ADPRHL1: variants seen among roughly 807,000 people sequenced by gnomAD.
ADPRHL1 encodes the protein ADP-ribosylhydrolase like 1.
ADPRHL1 carries 43 observed loss-of-function variants against 44.1 expected under a neutral mutation model. The ratio of observed to expected loss-of-function variants is 0.98; its 90% CI spans 0.76 to 1.26. ADPRHL1 has a LOEUF of 1.26. ADPRHL1 is among the 50% of genes most tolerant of loss of function. The probability of loss-of-function intolerance (pLI) is 0.00; values close to 1 mark genes in which losing one functional copy is unlikely to be tolerated. For missense variants in ADPRHL1, 2,022 were observed against 2,496.9 expected (o/e 0.81, Z 4.05); for synonymous variants, 878 against 1,017.4 (o/e 0.86, Z 2.61).
At position 113,405,908 on chromosome 13, in the gene ADPRHL1, G is replaced by A. The variant is rs553288204; in HGVS notation, c.3374C>T (p.Thr1125Met). 3.2e-5 allele frequency: 39 copies of A among 1,232,076 alleles called. No homozygotes were observed. In the South Asian group the frequency reaches 5.3e-4, roughly 17 times the overall value. The allele number at this position is 1,232,076 out of a possible 1,614,324, so 76.3% of individuals were successfully genotyped here. Residue 1125 changes from threonine (T) to methionine (M), a missense_variant, in exon 8 of 8, where the codon ACG becomes ATG. Physicochemically the swap from Thr to Met is moderately conservative, Grantham distance 81 (BLOSUM62 -1). Around this residue, in one of 8 missense-constraint regions of ADPRHL1, gnomAD observed 1,221 missense variants for 1,517.8 expected, o/e 0.80. Coordinates refer to ENST00000612156, the MANE Select transcript of ADPRHL1 (RefSeq NM_001394807.1). ...AAAGSVASRATPAPAPGSTQS... is the reference protein window; with the variant it reads ...AAAGSVASRAMPAPAPGSTQS... ...GGTGCTGCCTGGCGCTGGTGCAGGC[G>A]TGGCGCGGCTCGCAACGCTCCCTGC...
intron 7 of ADPRHL1, among the ~76,000 whole-genome samples, chr13:113,416,086 T>A (rs2043886101): frequency 6.6e-6 from 1 of 151,298 alleles, no homozygotes; most frequent in South Asian, 2.1e-4. Flanking sequence ...CAGCAGCTTC[T>A]GAGCATCATT....
chr13:113,442,048 T>C (rs1040018734), intron 2 of ADPRHL1, among the ~76,000 whole-genome samples: 2 of 152,272 alleles, frequency 1.3e-5, no homozygotes, highest in African/African-American at 4.8e-5. Flanking sequence ...TCTGAGTGAC[T>C]TCCATTAGCA....
intron 1 of ADPRHL1, chr13:113,449,023 T>G (rs1214730705): frequency 1.0e-6 from 1 of 986,322 alleles, no homozygotes; most frequent in African/African-American, 1.7e-5. Context: ...CCAAGTGACT[T>G]GGTGATAATG....
At chr13:113,433,682 T>C (rs12874568) in intron 3 of ADPRHL1, 60 bp downstream of exon 3, 570,504 of 1,410,980 alleles carry the variant, frequency 0.4, 112,764 homozygotes, top group Middle Eastern at 0.55. Context: ...TGTGAGGTGG[T>C]TGTGGGTCAT....
chr13:113,436,372 AGGGT>A (rs778639217), intron 2 of ADPRHL1, among the ~76,000 whole-genome samples: 20,401 of 88,942 alleles, frequency 0.23, 8,954 homozygotes, highest in Non-Finnish European at 0.26. Context: ...ACCCAGGTGT[AGGGT>A]GAACATAGGT....
At chr13:113,411,114 TC>T (rs1483267766) in intron 7 of ADPRHL1, among the ~76,000 whole-genome samples, 1 of 152,148 alleles carries the variant, frequency 6.6e-6, no homozygotes, top group Non-Finnish European at 1.5e-5. Flanking sequence ...GTGACGTCAA[TC>T]CGCCCCTTCC....
intron 1 of ADPRHL1, among the ~76,000 whole-genome samples, chr13:113,447,454 G>A (rs1346519437): frequency 6.6e-6 from 1 of 151,620 alleles, no homozygotes; most frequent in East Asian, 2.0e-4. Flanking sequence ...GGTGGTGTGT[G>A]TGTATGGTGT....
At position 113,411,678 on chromosome 13, in the gene ADPRHL1, G is replaced by A. The variant is rs531651059; in HGVS notation, c.1062-3458C>T. On this transcript the variant is annotated intron_variant, in intron 7 of 7. Transcript: ENST00000612156. Reference sequence around the variant, plus strand: ...TTATTGGCTGAGGATTAGGGGATTCGGCCAGAGCTACAAAGTCCTCTTTGG... The same window carrying A: ...TTATTGGCTGAGGATTAGGGGATTCAGCCAGAGCTACAAAGTCCTCTTTGG... Among the ~76,000 whole-genome samples the A allele has an allele frequency of 3.9e-5, 6 of 152,320 alleles. No individual in the cohort carries two copies. In the South Asian group the frequency reaches 1.2e-3, roughly 32 times the overall value.
At chr13:113,442,782 A>C (rs528931083) in intron 2 of ADPRHL1, among the ~76,000 whole-genome samples, 1 of 152,140 alleles carries the variant, frequency 6.6e-6, no homozygotes, top group Non-Finnish European at 1.5e-5. Flanking sequence ...CCAAGTATTT[A>C]TGTTGCTTTT....
Position 113,408,229 on chromosome 13 carries a change from A to G in ADPRHL1, c.1062-9T>C. On this transcript the variant is annotated splice_polypyrimidine_tract_variant and intron_variant, in intron 7 of 7. Transcript: ENST00000612156. ...TCTTGCTGCTCTTCCGGCTGCAGAGAAAAAGGAATCATCACCTACTTCATC... is the reference window on the plus strand; with the variant it reads ...TCTTGCTGCTCTTCCGGCTGCAGAGGAAAAGGAATCATCACCTACTTCATC... 8.1e-7 allele frequency: 1 copy of G among 1,231,924 alleles called. No homozygotes were observed. The highest frequency in any genetic ancestry group is 1.0e-6 in the Non-Finnish European group (1 of 987,918). 76.3% of individuals were successfully genotyped at this position (1,231,924 alleles called of 1,614,324 possible).
At position 113,406,551 on chromosome 13, in the gene ADPRHL1, C is replaced by T. The variant is rs2043810140; in HGVS notation, c.2731G>A (p.Gly911Arg). 1 of 1,232,084 alleles carries T rather than the reference C, an allele frequency of 8.1e-7. No individual in the cohort carries two copies. The highest frequency in any genetic ancestry group is 1.5e-5 in the African/African-American group (1 of 64,544). The allele number at this position is 1,232,084 out of a possible 1,614,324, so 76.3% of individuals were successfully genotyped here. A position where few individuals can be genotyped will look rare whatever the true frequency, so the allele number is the denominator to read the frequency against. ...CCCTGCGGCGAAGAGGCGCTGAGTC[C>T]CGCCTGCATCCCTGAAAGCTTGCTC... ...ELSKLSGMQA[G>R]LSASSPQGPR... Residue 911 changes from glycine (G) to arginine (R), a missense_variant, in exon 8 of 8, where the codon GGA (glycine) becomes AGA (arginine). Gly to Arg is a moderately radical substitution (Grantham distance 125). Transcript: ENST00000612156.
chr13:113,433,225 T>C lies in ADPRHL1; in HGVS notation c.505+517A>G, dbSNP rs61406691. 1.8e-3 allele frequency among the ~76,000 whole-genome samples: 276 copies of C among 152,310 alleles called. 4 individuals carry two copies. Among genetic ancestry groups the C allele is most frequent in the African/African-American group, 6.5e-3 (270 of 41,578 alleles). On this transcript the variant is annotated intron_variant, in intron 3 of 7. Transcript: ENST00000612156. ...CGCTCCCGTGGTTCCCGTGGTCTCC[T>C]TGGCTCCCTTGGCCGGCGGGTGGTG...
At chr13:113,414,616 G>A (rs2043877887) in intron 7 of ADPRHL1, among the ~76,000 whole-genome samples, 2 of 152,060 alleles carry the variant, frequency 1.3e-5, no homozygotes, top group Non-Finnish European at 1.5e-5. Context: ...CCTCTTCCAG[G>A]GGCAGGGCCA....
At chr13:113,442,145 T>C (rs1332946125) in intron 2 of ADPRHL1, among the ~76,000 whole-genome samples, 1 of 152,246 alleles carries the variant, frequency 6.6e-6, no homozygotes. Flanking sequence ...TTCTGAAAGA[T>C]ATTTTTTTCA....
chr13:113,438,278 G>A (rs997051510), intron 2 of ADPRHL1, among the ~76,000 whole-genome samples: 13 of 152,158 alleles, frequency 8.5e-5, no homozygotes, highest in African/African-American at 3.1e-4. Context: ...GTTATGTAAT[G>A]GTATCTCATT....
At chr13:113,448,962 G>A (rs145694092) in intron 1 of ADPRHL1, 18,220 of 985,674 alleles carry the variant, frequency 0.018, 195 homozygotes, top group South Asian at 0.022. Context: ...CTCTCTGTGC[G>A]AGGCCGCCCC....
chr13:113,430,210 C>T lies in ADPRHL1; in HGVS notation c.506-1118G>A, dbSNP rs9604106. Among the ~76,000 whole-genome samples, 991 of 152,280 alleles carry T rather than the reference C, an allele frequency of 6.5e-3. 12 individuals are homozygous for T. Among genetic ancestry groups the T allele is most frequent in the African/African-American group, 0.022 (911 of 41,554 alleles). On this transcript the variant is annotated intron_variant, in intron 3 of 7. Coordinates refer to ENST00000612156, the MANE Select transcript of ADPRHL1 (RefSeq NM_001394807.1). ...GTGTGCAAGCCATCAGAGAGGAGCT[C>T]GGAAGAGACTGATCTGAATTACGAT... is the stretch of plus-strand genomic sequence containing the variant.
rs372696352 is a variant in ADPRHL1, at chr13:113,428,945, G to T, written c.646+7C>A. 1 of 1,612,172 alleles carries T rather than the reference G, an allele frequency of 6.2e-7. No homozygotes were observed. The highest frequency in any genetic ancestry group is 1.1e-5 in the South Asian group (1 of 91,090). The stretch of plus-strand genomic sequence containing the variant: ...GAGTGCGGACTGGGGCCGGGGGAGC[G>T]GCTCACCTGCCGTGTGCCGGATGGT... On this transcript the variant is annotated splice_region_variant and intron_variant, in intron 4 of 7. Coordinates refer to ENST00000612156, the MANE Select transcript of ADPRHL1 (RefSeq NM_001394807.1).
rs1041566387 is a variant in ADPRHL1, at chr13:113,406,634, T to C, written c.2648A>G (p.His883Arg). Residue 883 changes from histidine to arginine, a missense_variant, in exon 8 of 8, where the codon CAC (histidine) becomes CGC (arginine). This residue lies in a region of ADPRHL1 where 1,221 missense variants were observed against 1,517.8 expected (regional missense o/e 0.80). Coordinates refer to ENST00000612156, the MANE Select transcript of ADPRHL1 (RefSeq NM_001394807.1). ...CTCAGTCACGGTGGGAAATTCTGTG[T>C]GGGCATTTTCAACCACATTCTCTCC... ...CGGENVVENA[H>R]TEFPTVTENR... 8.1e-7 allele frequency: 1 copy of C among 1,231,004 alleles called. No individual in the cohort carries two copies. The highest frequency in any genetic ancestry group is 1.6e-5 in the African/African-American group (1 of 63,922). The allele number at this position is 1,231,004 out of a possible 1,614,324, so 76.3% of individuals were successfully genotyped here.
Sources: allele counts gnomAD v4.1 joint callset (sites outside exome capture counted in the v4.1 genomes callset), GRCh38; gene constraint gnomAD v4.1.1; regional missense constraint gnomAD v4.1.1; transcripts MANE v1.5; gene names NCBI Gene and HGNC (gene_info 2026-07-23, HGNC 2026-07-21).